The following HIVEP3 variants were observed in gnomAD, a reference collection of about 807,000 sequenced individuals.
The protein encoded by HIVEP3 is HIVEP zinc finger 3.
Under a neutral mutation model 152.8 loss-of-function variants are expected in HIVEP3, and 49 were observed. The observed-to-expected ratio is 0.32, with a 90% CI of 0.26 to 0.41. The LOEUF is 0.41. HIVEP3 is among the 10% of genes least tolerant of loss of function. HIVEP3 has a pLI of 1.00. For missense variants in HIVEP3, 2,790 were observed against 3,103.3 expected, an observed-to-expected ratio of 0.90 and a Z score of 2.40; for synonymous variants, 1,269 against 1,289.0, an observed-to-expected ratio of 0.98 and a Z score of 0.33.
At chr1:41,721,367 G>A (rs1171518962) in intron 1 of HIVEP3, among the ~76,000 whole-genome samples, 2 of 152,072 alleles carry the variant, frequency 1.3e-5, no homozygotes, top group African/African-American at 4.8e-5. Context: ...CACCGCGCTC[G>A]ACTAATTTTT....
At chr1:41,820,728 A>C (rs1264663166) in intron 1 of HIVEP3, among the ~76,000 whole-genome samples, 2 of 152,242 alleles carry the variant, frequency 1.3e-5, no homozygotes, top group Admixed American at 1.3e-4. Context: ...TATCAATTTT[A>C]AAGTGTCTAG....
intron 1 of HIVEP3, among the ~76,000 whole-genome samples, chr1:42,016,941 T>C (rs1394747193): frequency 4.6e-5 from 7 of 152,156 alleles, no homozygotes; most frequent in African/African-American, 1.7e-4. Flanking sequence ...TTAGGTCAAA[T>C]AGTATGCACA....
intron 2 of HIVEP3, among the ~76,000 whole-genome samples, chr1:41,698,209 G>A (rs1013304933): frequency 2.0e-5 from 3 of 152,078 alleles, no homozygotes; most frequent in African/African-American, 4.8e-5. Context: ...TTTGTCCTCT[G>A]GCTGGTACCT....
At chr1:41,723,643 A>T (rs988089965) in intron 1 of HIVEP3, among the ~76,000 whole-genome samples, 1 of 152,196 alleles carries the variant, frequency 6.6e-6, no homozygotes, top group Non-Finnish European at 1.5e-5. Flanking sequence ...ATGAGCACTC[A>T]TTAGCAGTCA....
intron 3 of HIVEP3, among the ~76,000 whole-genome samples, chr1:41,605,162 A>C (rs1570081945): frequency 2.0e-5 from 1 of 50,790 alleles, no homozygotes; most frequent in Non-Finnish European, 3.6e-5. Context: ...GGAGGGGTGG[A>C]GAGGGGAGGG....
At chr1:41,751,867 G>A (rs994909165) in intron 1 of HIVEP3, among the ~76,000 whole-genome samples, 4 of 152,188 alleles carry the variant, frequency 2.6e-5, no homozygotes, top group African/African-American at 9.7e-5. Context: ...ATGAGCAAGT[G>A]GGGGCCCCAA....
In HIVEP3 at chr1:41,766,143, G is replaced by T. The variant is rs77207059; in HGVS notation, c.-800-65148C>A. On this transcript the variant is annotated intron_variant, in intron 1 of 8. Transcript: ENST00000372583. Reference sequence around the variant, plus strand: ...GTACTCTCTGGCTGCAGCCCCACCAGAAAAATACTCACTGTCTGAAGACCA... The same window carrying T: ...GTACTCTCTGGCTGCAGCCCCACCATAAAAATACTCACTGTCTGAAGACCA... 7.4e-3 allele frequency among the ~76,000 whole-genome samples: 1,122 copies of T among 152,350 alleles called. 8 individuals are homozygous for T. The highest frequency in any genetic ancestry group is 0.024 in the African/African-American group (984 of 41,588).
At chr1:41,577,741 A>G (rs1644347895) in intron 4 of HIVEP3, among the ~76,000 whole-genome samples, 1 of 152,188 alleles carries the variant, frequency 6.6e-6, no homozygotes, top group East Asian at 1.9e-4. Context: ...TCAGTACAGT[A>G]AAGAACCTTC....
At position 41,606,980 on chromosome 1, in the gene HIVEP3, CT is replaced by C. The variant is rs796119787; in HGVS notation, c.-521-21663del. Among the ~76,000 whole-genome samples the C allele has an allele frequency of 1.5e-3, 227 of 148,358 alleles. 1 individual carries two copies. The East Asian group carries it at 0.017, about 11-fold the overall frequency. Reference sequence around the variant, plus strand: ...TCTAGTTTAAAATCTGTGTGTGTTTCTTTTTTTTTTATTTTTATTTTTAAAT... The same window carrying C: ...TCTAGTTTAAAATCTGTGTGTGTTTCTTTTTTTTTATTTTTATTTTTAAAT... On this transcript the variant is annotated intron_variant, in intron 3 of 8. Coordinates refer to ENST00000372583, the MANE Select transcript of HIVEP3 (RefSeq NM_024503.5).
At chr1:41,864,953 C>T (rs2124404378) in intron 1 of HIVEP3, among the ~76,000 whole-genome samples, 1 of 152,304 alleles carries the variant, frequency 6.6e-6, no homozygotes, top group South Asian at 2.1e-4. Flanking sequence ...CCAGGGAGGT[C>T]TTGCAGAGAT....
chr1:41,878,580 T>A (rs1213947734), intron 1 of HIVEP3, among the ~76,000 whole-genome samples: 2 of 152,110 alleles, frequency 1.3e-5, no homozygotes, highest in African/African-American at 2.4e-5. Flanking sequence ...AACACCACAC[T>A]CACATCACGG....
In HIVEP3 at chr1:41,575,644, C is replaced by G; in HGVS notation, c.5107G>C (p.Ala1703Pro). ...CTCTCTTCTTCCTTCTCCACTCTAG[C>G]TAGATCTTTCTGGCCTTCCGGGGAA... ...LVSPEGQKDL[A>P]RVEKEEERRG... The change falls in exon 5 of 9, where the codon GCT becomes CCT. Residue 1703 changes from alanine to proline, a missense_variant. Ala to Pro is a conservative substitution (Grantham distance 27). This residue lies in a region of HIVEP3 where 1,078 missense variants were observed against 1,165.3 expected (regional missense o/e 0.93). Transcript: ENST00000372583. The G allele has an allele frequency of 6.2e-7, 1 of 1,614,182 alleles. No homozygotes were observed. Among genetic ancestry groups the G allele is most frequent in the Non-Finnish European group, 8.5e-7 (1 of 1,180,016 alleles).
chr1:41,734,455 C>G (rs896444658), intron 1 of HIVEP3, among the ~76,000 whole-genome samples: 3 of 152,242 alleles, frequency 2.0e-5, no homozygotes, highest in Admixed American at 6.5e-5. Context: ...CTCCCATGCC[C>G]AGGGTCCAGG....
intron 1 of HIVEP3, among the ~76,000 whole-genome samples, chr1:41,835,458 A>G (rs1643094387): frequency 6.6e-6 from 1 of 152,234 alleles, no homozygotes; most frequent in African/African-American, 2.4e-5. Context: ...TGACTCTTAT[A>G]ACCTTATTTA....
chr1:41,821,126 G>T (rs1642582453), intron 1 of HIVEP3, among the ~76,000 whole-genome samples: 1 of 152,174 alleles, frequency 6.6e-6, no homozygotes, highest in African/African-American at 2.4e-5. Context: ...GCTGCTGACT[G>T]ATAGGTGACT....
At chr1:41,705,438 G>C (rs960593193) in intron 1 of HIVEP3, among the ~76,000 whole-genome samples, 1 of 152,178 alleles carries the variant, frequency 6.6e-6, no homozygotes, top group Non-Finnish European at 1.5e-5. Flanking sequence ...TCCACTCCCT[G>C]AACTTGACCC....
chr1:41,511,037 G>A lies in HIVEP3; in HGVS notation c.6635C>T (p.Thr2212Ile). 1.2e-6 allele frequency: 2 copies of A among 1,613,770 alleles called. No individual in the cohort carries two copies. The highest frequency in any genetic ancestry group is 1.1e-5 in the South Asian group (1 of 91,070). Residue 2212 changes from threonine to isoleucine, a missense_variant, in exon 9 of 9, where the codon ACC becomes ATC. By Grantham distance (89) the Thr-to-Ile change is moderately conservative. Coordinates refer to ENST00000372583, the MANE Select transcript of HIVEP3 (RefSeq NM_024503.5). The surrounding 1 kb of genome is among the most constrained non-coding windows in gnomAD (Gnocchi z 4.9). ...MVQARPGAHP[T>I]LLPGPTAAWV... is the part of the protein sequence containing the mutation. ...GGCTGCGGTGGGCCCTGGCAGCAGG[G>A]TGGGGTGGGCTCCTGGCCGGGCCTG...
At chr1:41,779,422 G>A (rs1389177950) in intron 1 of HIVEP3, among the ~76,000 whole-genome samples, 2 of 152,200 alleles carry the variant, frequency 1.3e-5, no homozygotes, top group African/African-American at 4.8e-5. Context: ...AGTTACATGT[G>A]CAAAGCACAT....
chr1:41,791,607 T>C (rs1237458135), intron 1 of HIVEP3, among the ~76,000 whole-genome samples: 1 of 90,568 alleles, frequency 1.1e-5, no homozygotes, highest in East Asian at 2.6e-4. Flanking sequence ...AGAAGTTGCC[T>C]GGGAATGCTG....
Sources: allele counts gnomAD v4.1 joint callset (sites outside exome capture counted in the v4.1 genomes callset), GRCh38; gene constraint gnomAD v4.1.1; regional missense constraint gnomAD v4.1.1; non-coding constraint Gnocchi (gnomAD v3.1); transcripts MANE v1.5; gene names NCBI Gene and HGNC (gene_info 2026-07-23, HGNC 2026-07-21).